SLC36A4: variants seen among roughly 807,000 people sequenced by gnomAD.
The protein encoded by SLC36A4 is neutral amino acid uniporter 4.
SLC36A4 carries 49 observed loss-of-function variants against 50.5 expected under a neutral mutation model. The ratio of observed to expected loss-of-function variants is 0.97; its 90% CI spans 0.77 to 1.23. SLC36A4 has a LOEUF of 1.23. Among genes scored for constraint, SLC36A4 ranks in the 50% most tolerant of loss-of-function variants. SLC36A4 has a pLI of 0.00. For missense variants in SLC36A4, 611 were observed against 608.4 expected (o/e 1.00, Z -0.05); for synonymous variants, 207 against 206.5 (o/e 1.00, Z -0.02).
At chr11:93,190,519 T>A (rs1477119895) in intron 1 of SLC36A4, among the ~76,000 whole-genome samples, 2 of 152,056 alleles carry the variant, frequency 1.3e-5, no homozygotes, top group Non-Finnish European at 2.9e-5. Flanking sequence ...CCCACAAAAA[T>A]TTTTTTTATT....
chr11:93,180,929 G>A, intron 5 of SLC36A4, 48 bp from the exon 6 acceptor site: 1 of 1,203,718 alleles, frequency 8.3e-7, no homozygotes, highest in Non-Finnish European at 1.2e-6. Context: ...CTACTGAAAT[G>A]TCAATATATT....
In SLC36A4 at chr11:93,182,822, G is replaced by A; in HGVS notation, c.343C>T (p.His115Tyr). 5 of 1,610,328 alleles carry A rather than the reference G, an allele frequency of 3.1e-6. No individual in the cohort carries two copies. The highest frequency in any genetic ancestry group is 4.2e-6 in the Non-Finnish European group (5 of 1,177,840). The change falls in exon 4 of 11, where the codon CAC becomes TAC. Residue 115 changes from histidine (H) to tyrosine (Y), a missense_variant. His to Tyr is a moderately conservative substitution (Grantham distance 83). Coordinates refer to ENST00000326402, the MANE Select transcript of SLC36A4 (RefSeq NM_152313.4). Reference protein sequence around the residue: ...HCMHILVRCSHFLCLRFKKST... With the variant: ...HCMHILVRCSYFLCLRFKKST... Reference sequence around the variant, plus strand: ...CACATTTACCTCAGACATAGAAAGTGACTGCAACGTACCAATATGTGCATA... The same window carrying A: ...CACATTTACCTCAGACATAGAAAGTAACTGCAACGTACCAATATGTGCATA...
In SLC36A4 at chr11:93,197,781, G is replaced by T; in HGVS notation, c.52C>A (p.Leu18Ile). ...CCTGCCCACGCACAACACCGACCTAGCTCCTCGCGCCTCGCCGCCCCGGCA... is the reference window on the plus strand; with the variant it reads ...CCTGCCCACGCACAACACCGACCTATCTCCTCGCGCCTCGCCGCCCCGGCA... The part of the protein sequence containing the change: ...AAAGAARREE[L>I]DMDVMRPLIN... The change falls in exon 1 of 11, where the codon CTA (leucine) becomes ATA (isoleucine). Residue 18 changes from leucine to isoleucine, a missense_variant. Transcript: ENST00000326402. 6.3e-7 allele frequency: 1 copy of T among 1,588,068 alleles called. No homozygotes were observed. The highest frequency in any genetic ancestry group is 1.4e-5 in the African/African-American group (1 of 73,090).
chr11:93,182,778 T>C (rs1038951504), intron 4 of SLC36A4, 28 bp downstream of exon 4: 1 of 1,513,206 alleles, frequency 6.6e-7, no homozygotes, highest in African/African-American at 1.4e-5. Flanking sequence ...AGCTTTAAAA[T>C]AAATAGGCTT....
rs752153532 is a variant in SLC36A4, at chr11:93,145,323, A to T, written c.*3214T>A. 1 of 152,114 alleles carries T rather than the reference A, an allele frequency of 6.6e-6. No homozygotes were observed. Among genetic ancestry groups the T allele is most frequent in the East Asian group, 1.9e-4 (1 of 5,174 alleles). 9.4% of individuals were successfully genotyped at this position (152,114 alleles called of 1,614,324 possible). A position where few individuals can be genotyped will look rare whatever the true frequency, so the allele number is the denominator to read the frequency against. ...CAGGCAAGATGCAGAAATCATTTTA[A>T]TAACGGAGAATTTAGTGAGAATACG... On this transcript the variant is annotated 3_prime_UTR_variant, in exon 11 of 11. Transcript: ENST00000326402.
intron 6 of SLC36A4, among the ~76,000 whole-genome samples, chr11:93,172,710 C>G (rs1488896484): frequency 7.8e-6 from 1 of 128,810 alleles, no homozygotes; most frequent in African/African-American, 3.0e-5. Flanking sequence ...GTTTTTTGTT[C>G]TTGCGATAGT....
chr11:93,153,344 G>T (rs1054954201), intron 10 of SLC36A4, among the ~76,000 whole-genome samples: 1 of 152,066 alleles, frequency 6.6e-6, no homozygotes, highest in African/African-American at 2.4e-5. Context: ...TTACAATAAT[G>T]ATCATAACTT....
chr11:93,162,618 C>T (rs995329436), intron 9 of SLC36A4, 88 bp downstream of exon 9: 4 of 1,160,180 alleles, frequency 3.4e-6, no homozygotes, highest in Non-Finnish European at 4.8e-6. Context: ...AATGTTTAAA[C>T]CATAAATCCA....
At position 93,148,857 on chromosome 11, in the gene SLC36A4, A is replaced by T; in HGVS notation, c.1208-13T>A. 1 of 1,590,536 alleles carries T rather than the reference A, an allele frequency of 6.3e-7. No homozygotes were observed. The highest frequency in any genetic ancestry group is 8.5e-7 in the Non-Finnish European group (1 of 1,172,358). ...ATTGCTCCGGCACCTAGAAAATGAA[A>T]ATACATTTATTTTTCTTATTTAAAT... On this transcript the variant is annotated splice_polypyrimidine_tract_variant and intron_variant, in intron 10 of 10. Coordinates refer to ENST00000326402, the MANE Select transcript of SLC36A4 (RefSeq NM_152313.4).
In SLC36A4 at chr11:93,197,946, C is replaced by G. The variant is rs957438880; in HGVS notation, c.-114G>C. ...CCCGGAGGGACCCGCGCCTGGTGCCCGCCTCCCTGCCCCGGCGCTCCCCAA... is the reference window on the plus strand; with the variant it reads ...CCCGGAGGGACCCGCGCCTGGTGCCGGCCTCCCTGCCCCGGCGCTCCCCAA... On this transcript the variant is annotated 5_prime_UTR_variant, in exon 1 of 11. Transcript: ENST00000326402. 171 of 1,100,566 alleles carry G rather than the reference C, an allele frequency of 1.6e-4. No individual in the cohort carries two copies. The highest frequency in any genetic ancestry group is 2.0e-4 in the Non-Finnish European group (165 of 825,924). The allele number at this position is 1,100,566 out of a possible 1,614,324, so 68.2% of individuals were successfully genotyped here.
At chr11:93,156,514 A>G (rs1428375096) in intron 9 of SLC36A4, among the ~76,000 whole-genome samples, 1 of 150,312 alleles carries the variant, frequency 6.7e-6, no homozygotes, top group Admixed American at 6.7e-5. Flanking sequence ...CCACCTCCCC[A>G]GTTCAAGCGA....
At chr11:93,197,751 G>T in intron 1 of SLC36A4, 27 bp downstream of exon 1, 3 of 1,584,504 alleles carry the variant, frequency 1.9e-6, no homozygotes, top group Non-Finnish European at 2.6e-6. Flanking sequence ...CGTCAGCCCC[G>T]GCTCCCTGCC....
At chr11:93,175,983 G>T (rs1428192106) in intron 6 of SLC36A4, among the ~76,000 whole-genome samples, 23 of 131,360 alleles carry the variant, frequency 1.8e-4, no homozygotes, top group African/African-American at 3.3e-4. Context: ...GCAGAGCTGA[G>T]TTCAATTCCT....
intron 6 of SLC36A4, among the ~76,000 whole-genome samples, chr11:93,174,356 A>G (rs1208771227): frequency 6.6e-6 from 1 of 151,318 alleles, no homozygotes; most frequent in Non-Finnish European, 1.5e-5. Flanking sequence ...GGCTGAGACA[A>G]TGGGGTTTTC....
intron 6 of SLC36A4, among the ~76,000 whole-genome samples, chr11:93,169,750 T>C (rs915874098): frequency 6.6e-6 from 1 of 152,154 alleles, no homozygotes; most frequent in Non-Finnish European, 1.5e-5. Flanking sequence ...TTTTATTTTC[T>C]ATAATTTGAA....
chr11:93,183,931 C>T (rs1565236022), intron 3 of SLC36A4, among the ~76,000 whole-genome samples: 2 of 152,096 alleles, frequency 1.3e-5, no homozygotes, highest in African/African-American at 4.8e-5. Flanking sequence ...ATCTCCTGAC[C>T]TCGTGATCTG....
At chr11:93,176,605 T>G (rs1444387507) in intron 6 of SLC36A4, among the ~76,000 whole-genome samples, 1 of 152,114 alleles carries the variant, frequency 6.6e-6, no homozygotes, top group Non-Finnish European at 1.5e-5. Context: ...CCTTTCCATG[T>G]TTAGCGCTTC....
chr11:93,156,826 T>G (rs1860387462), intron 9 of SLC36A4, among the ~76,000 whole-genome samples: 1 of 152,212 alleles, frequency 6.6e-6, no homozygotes, highest in African/African-American at 2.4e-5. Flanking sequence ...GTTGATAGTT[T>G]TCTGTGCTGT....
At chr11:93,153,756 T>A (rs564375548) in intron 10 of SLC36A4, among the ~76,000 whole-genome samples, 6 of 152,054 alleles carry the variant, frequency 3.9e-5, no homozygotes, top group Non-Finnish European at 8.8e-5. Context: ...TGTTAAAATA[T>A]ACAAAAACAG....
Sources: allele counts gnomAD v4.1 joint callset (sites outside exome capture counted in the v4.1 genomes callset), GRCh38; gene constraint gnomAD v4.1.1; transcripts MANE v1.5; gene names NCBI Gene and HGNC (gene_info 2026-07-23, HGNC 2026-07-21).